The following KCNAB2 variants were observed in gnomAD, a reference collection of about 807,000 sequenced individuals.
KCNAB2 encodes the protein voltage-gated potassium channel subunit beta-2.
A neutral mutation model predicts 63.6 loss-of-function variants in KCNAB2; 29 were observed. That is an observed-to-expected ratio of 0.46 (90% CI 0.34 to 0.62). The LOEUF (loss-of-function observed/expected upper bound fraction) is 0.62. KCNAB2 is among the 20% of genes least tolerant of loss of function. The probability of loss-of-function intolerance (pLI) is 0.01; values close to 1 mark genes in which losing one functional copy is unlikely to be tolerated. For missense variants in KCNAB2, 359 were observed against 563.9 expected (o/e 0.64, Z 3.68); for synonymous variants, 222 against 224.2 (o/e 0.99, Z 0.09).
At position 6,099,408 on chromosome 1, in the gene KCNAB2, G is replaced by C; in HGVS notation, c.*834G>C. 1 of 184,628 alleles carries C rather than the reference G, an allele frequency of 5.4e-6. No homozygotes were observed. The highest frequency in any genetic ancestry group is 1.1e-5 in the Non-Finnish European group (1 of 89,754). The allele number at this position is 184,628 out of a possible 1,614,324, so 11.4% of individuals were successfully genotyped here. A position where few individuals can be genotyped will look rare whatever the true frequency, so the allele number is the denominator to read the frequency against. On this transcript the variant is annotated 3_prime_UTR_variant, in exon 16 of 16. Coordinates refer to ENST00000378083, the MANE Select transcript of KCNAB2 (RefSeq NM_001199862.2). ...GTGAGGCCCGGAGCGCTTGGGAGGG[G>C]TCCCAGTGGGGCAGGCCCCTCTGTC... is the stretch of plus-strand genomic sequence containing the variant.
intron 4 of KCNAB2, among the ~76,000 whole-genome samples, chr1:6,081,018 A>T (rs1320860088): frequency 6.6e-6 from 1 of 152,180 alleles, no homozygotes; most frequent in African/African-American, 2.4e-5. Flanking sequence ...CGAGAGCCAG[A>T]AGCTCAGGGG....
chr1:6,094,482 C>T lies in KCNAB2; in HGVS notation c.729C>T (p.Ile243=). The change falls in exon 11 of 16, where the codon ATC becomes ATT. Residue 243 remains isoleucine (I), a synonymous_variant. Coordinates refer to ENST00000378083, the MANE Select transcript of KCNAB2 (RefSeq NM_001199862.2). The stretch of plus-strand genomic sequence containing the variant: ...CGTCACGCTGGAGCTCCATGGAGAT[C>T]ATGGTACGGTGGCCGCGCAGCATGT... ...WGTSRWSSME[I]MEAYSVARQF... The T allele has an allele frequency of 6.2e-7, 1 of 1,609,456 alleles. No homozygotes were observed. Among genetic ancestry groups the T allele is most frequent in the Non-Finnish European group, 8.5e-7 (1 of 1,178,412 alleles).
chr1:6,089,178 G>A (rs976331262), intron 8 of KCNAB2, 127 bp downstream of exon 8: 8 of 1,039,600 alleles, frequency 7.7e-6, no homozygotes, highest in African/African-American at 3.2e-5. Flanking sequence ...CGGGGCACCC[G>A]GTGCTCTGGC....
At chr1:6,034,717 C>T (rs1190048198) in exon 1 of KCNAB2, 2 of 152,394 alleles carry the variant, frequency 1.3e-5, no homozygotes, top group Non-Finnish European at 2.9e-5. Flanking sequence ...GTGCTACCTG[C>T]AGTAACGCAG....
rs968342229 is a variant in KCNAB2, at chr1:5,994,878, T to G, written c.-53+2090T>G. On this transcript the variant is annotated intron_variant, in intron 1 of 16. Transcript: ENST00000341524. This position sits in a 1 kb window ranked among gnomAD's most constrained non-coding sequence, Gnocchi z 5.4. ...GAAGCGAGTGCCACACAGTTTTGAT[T>G]TGGCAGTTTCCGGCCTGGGCTTGGA... Among the ~76,000 whole-genome samples the G allele has an allele frequency of 5.3e-5, 8 of 152,304 alleles. No individual in the cohort carries two copies. Among genetic ancestry groups the G allele is most frequent in the South Asian group, 2.1e-4 (1 of 4,830 alleles).
chr1:6,049,502 C>T (rs907852574), intron 1 of KCNAB2, among the ~76,000 whole-genome samples: 2 of 152,100 alleles, frequency 1.3e-5, no homozygotes, highest in African/African-American at 2.4e-5. Context: ...GAAACGCAGC[C>T]CCCCCACCCC....
At chr1:6,061,958 G>A (rs1213044642) in intron 2 of KCNAB2, among the ~76,000 whole-genome samples, 1 of 152,178 alleles carries the variant, frequency 6.6e-6, no homozygotes, top group Non-Finnish European at 1.5e-5. Flanking sequence ...GGCAGTGACT[G>A]GTGAGGGCTG....
At chr1:6,080,774 C>T (rs1271159350) in intron 4 of KCNAB2, among the ~76,000 whole-genome samples, 1 of 152,196 alleles carries the variant, frequency 6.6e-6, no homozygotes, top group Non-Finnish European at 1.5e-5. Flanking sequence ...CCCATGGGTG[C>T]CCCCCAGTGG....
rs547951679 is a variant in KCNAB2, at chr1:6,077,129, T to C, written c.300+3359T>C. ...TGAATCTGGGAGGCGGAGGTTGCAG[T>C]GAGCCATGATCGCACCACTGCACTC... On this transcript the variant is annotated intron_variant, in intron 4 of 15. Coordinates refer to ENST00000378083, the MANE Select transcript of KCNAB2 (RefSeq NM_001199862.2). Among the ~76,000 whole-genome samples, 5 of 151,834 alleles carry C rather than the reference T, an allele frequency of 3.3e-5. No individual in the cohort carries two copies. In the South Asian group the frequency reaches 1.0e-3, roughly 32 times the overall value.
chr1:6,027,219 AGTGTGTGTGTGTGTGTGTGTGTGT>A lies in KCNAB2; in HGVS notation c.-52-13266_-52-13243del, dbSNP rs70981306. On this transcript the variant is annotated intron_variant, in intron 1 of 16. Transcript: ENST00000341524. Reference sequence around the variant, plus strand: ...AGGCTGTAAGCCTCCTGGGGGACACAGTGTGTGTGTGTGTGTGTGTGTGTGTGTGTGTGTGTGTGTGTGTGTGTG... The same window carrying A: ...AGGCTGTAAGCCTCCTGGGGGACACAGTGTGTGTGTGTGTGTGTGTGTGTG... 2.1e-3 allele frequency: 294 copies of A among 141,424 alleles called. 7 individuals carry two copies. Among genetic ancestry groups the A allele is most frequent in the Admixed American group, 0.017 (248 of 14,494 alleles). 8.8% of individuals were successfully genotyped at this position (141,424 alleles called of 1,614,324 possible). A position where few individuals can be genotyped will look rare whatever the true frequency, so the allele number is the denominator to read the frequency against.
At position 6,034,534 on chromosome 1, in the gene KCNAB2, T is replaced by G. The variant is rs1295095; in HGVS notation, c.-313T>G. 0.97 allele frequency: 147,231 copies of G among 152,384 alleles called. 71,167 individuals are homozygous for G. The highest frequency in any genetic ancestry group is 1 in the East Asian group (5,165 of 5,170). 9.4% of individuals were successfully genotyped at this position (152,384 alleles called of 1,614,324 possible). A position where few individuals can be genotyped will look rare whatever the true frequency, so the allele number is the denominator to read the frequency against. On this transcript the variant is annotated 5_prime_UTR_variant, in exon 1 of 16. Coordinates refer to the KCNAB2 transcript ENST00000164247. The stretch of plus-strand genomic sequence containing the variant: ...AACACTTCTCGGAGTCCAGAGGGGT[T>G]GGGAGTGGGACAGGTGGCCTCCCAG...
At chr1:6,030,653 A>T (rs1659536415), upstream of KCNAB2, among the ~76,000 whole-genome samples, 1 of 15,026 alleles carries the variant, frequency 6.7e-5, no homozygotes. Context: ...GTGTATATGT[A>T]TGTACGTGTA....
At position 6,003,720 on chromosome 1, in the gene KCNAB2, C is replaced by T. The variant is rs558145777; in HGVS notation, c.-53+10932C>T. On this transcript the variant is annotated intron_variant, in intron 1 of 16. Transcript: ENST00000341524. This position sits in a 1 kb window ranked among gnomAD's most constrained non-coding sequence, Gnocchi z 4.1. ...TTCAAAAAGGTCGTAGTATATAGCT[C>T]ATGTCCCAGAACCAGCCACGTCTCC... 4.7e-4 allele frequency among the ~76,000 whole-genome samples: 72 copies of T among 152,206 alleles called. No homozygotes were observed. Among genetic ancestry groups the T allele is most frequent in the Non-Finnish European group, 7.5e-4 (51 of 68,044 alleles).
Position 6,086,052 on chromosome 1 carries a change from A to G in KCNAB2, c.425+804A>G. On this transcript the variant is annotated intron_variant, in intron 6 of 15. Coordinates refer to ENST00000378083, the MANE Select transcript of KCNAB2 (RefSeq NM_001199862.2). This position sits in a 1 kb window ranked among gnomAD's most constrained non-coding sequence, Gnocchi z 4.2. ...CACCTTGGGACCAACTGGGCTGAGC[A>G]CTTGCCTACATTTTGAGGCTCCCCA... 1 of 985,416 alleles carries G rather than the reference A, an allele frequency of 1.0e-6. No individual in the cohort carries two copies. Among genetic ancestry groups the G allele is most frequent in the Non-Finnish European group, 1.2e-6 (1 of 829,936 alleles). 61.0% of individuals were successfully genotyped at this position (985,416 alleles called of 1,614,324 possible).
rs1261109189 is a variant in KCNAB2 at position 6,087,391 on chromosome 1, T to C, written c.426-76T>C. The C allele has an allele frequency of 6.7e-7, 1 of 1,496,362 alleles. No homozygotes were observed. Among genetic ancestry groups the C allele is most frequent in the Non-Finnish European group, 9.3e-7 (1 of 1,073,206 alleles). 92.7% of individuals were successfully genotyped at this position (1,496,362 alleles called of 1,614,324 possible). A position where few individuals can be genotyped will look rare whatever the true frequency, so the allele number is the denominator to read the frequency against. On this transcript the variant is annotated intron_variant, in intron 6 of 15. Transcript: ENST00000378083. This position sits in a 1 kb window ranked among gnomAD's most constrained non-coding sequence, Gnocchi z 6.4. The stretch of plus-strand genomic sequence containing the variant: ...GCTTTCAGGACCTCTGTGTGAGAGA[T>C]GAGGACGTCGGGGATGAAGGAGGAC...
At chr1:6,059,151 T>G (rs1662094953) in intron 2 of KCNAB2, among the ~76,000 whole-genome samples, 1 of 152,108 alleles carries the variant, frequency 6.6e-6, no homozygotes, top group African/African-American at 2.4e-5. Context: ...GGAGCTGACC[T>G]GGCCACAGGA....
At chr1:6,012,820 AGTG>A (rs1383177038) in intron 1 of KCNAB2, among the ~76,000 whole-genome samples, 3 of 151,928 alleles carry the variant, frequency 2.0e-5, no homozygotes, top group African/African-American at 7.3e-5. Context: ...AGGTGACAGC[AGTG>A]GTGGTCGTGA....
At position 6,073,970 on chromosome 1, in the gene KCNAB2, C is replaced by G. The variant is rs1038758089; in HGVS notation, c.300+200C>G. On this transcript the variant is annotated intron_variant, in intron 4 of 15. Transcript: ENST00000378083. The surrounding 1 kb of genome is among the most constrained non-coding windows in gnomAD (Gnocchi z 5.7). The stretch of plus-strand genomic sequence containing the variant: ...CAGGTGGCCATGGCCAGAGGGGATG[C>G]CGAGTCTGGTGCCATCACCCAGCAG... 2 of 599,470 alleles carry G rather than the reference C, an allele frequency of 3.3e-6. No individual in the cohort carries two copies. The highest frequency in any genetic ancestry group is 4.4e-4 in the Middle Eastern group (1 of 2,280). The allele number at this position is 599,470 out of a possible 1,614,324, so 37.1% of individuals were successfully genotyped here. A position where few individuals can be genotyped will look rare whatever the true frequency, so the allele number is the denominator to read the frequency against.
At chr1:6,058,005 G>T (rs749570873) in intron 2 of KCNAB2, among the ~76,000 whole-genome samples, 2 of 152,164 alleles carry the variant, frequency 1.3e-5, no homozygotes, top group Non-Finnish European at 2.9e-5. Flanking sequence ...GCAAAAAATG[G>T]CCAGGCATGG....
Sources: allele counts gnomAD v4.1 joint callset (sites outside exome capture counted in the v4.1 genomes callset), GRCh38; gene constraint gnomAD v4.1.1; non-coding constraint Gnocchi (gnomAD v3.1); transcripts MANE v1.5; gene names NCBI Gene and HGNC (gene_info 2026-07-23, HGNC 2026-07-21).